Variants in MSI2 observed in about 807,000 individuals in gnomAD.
MSI2 encodes the protein musashi RNA binding protein 2.
MSI2 carries 17 observed loss-of-function variants against 45.6 expected under a neutral mutation model. The observed-to-expected ratio is 0.37, with a 90% CI of 0.26 to 0.56. The LOEUF (loss-of-function observed/expected upper bound fraction) is 0.56. Ranked by LOEUF, MSI2 falls within the 20% of genes least tolerant of loss-of-function variation. The pLI, the probability that MSI2 is intolerant of heterozygous loss-of-function variation, is 0.77. For synonymous variants in MSI2, 156 were observed against 158.2 expected (o/e 0.99, Z 0.11); for missense variants, 293 against 444.2 (o/e 0.66, Z 3.06).
At chr17:57,655,959 C>T (rs932649752) in intron 11 of MSI2, among the ~76,000 whole-genome samples, 4 of 152,158 alleles carry the variant, frequency 2.6e-5, no homozygotes, top group South Asian at 2.1e-4. Flanking sequence ...TCACACCTCC[C>T]CTGCCTGTTC....
chr17:57,678,176 G>C (rs1027958820), intron 13 of MSI2, among the ~76,000 whole-genome samples: 2 of 152,204 alleles, frequency 1.3e-5, no homozygotes, highest in African/African-American at 4.8e-5. Flanking sequence ...ACCAGGTGGA[G>C]AACTGGGTTG....
intron 10 of MSI2, among the ~76,000 whole-genome samples, chr17:57,645,198 G>A (rs1018600103): frequency 3.9e-5 from 6 of 152,168 alleles, no homozygotes; most frequent in Admixed American, 1.3e-4. Context: ...CTGTGGGCAG[G>A]GTTGGGGCCA....
the MSI2 span, among the ~76,000 whole-genome samples, chr17:57,698,920 T>C: frequency 6.7e-6 from 1 of 148,828 alleles, no homozygotes; most frequent in Non-Finnish European, 1.5e-5. Context: ...TGTGTGTGTG[T>C]GTGTGTGTGT....
intron 6 of MSI2, among the ~76,000 whole-genome samples, chr17:57,438,192 C>A (rs925384565): frequency 1.3e-5 from 2 of 152,034 alleles, no homozygotes; most frequent in Non-Finnish European, 2.9e-5. Context: ...GGGGACGTGC[C>A]CAGAGGAGTA....
chr17:57,612,493 C>T (rs1041649627), intron 8 of MSI2, among the ~76,000 whole-genome samples: 2 of 29,442 alleles, frequency 6.8e-5, no homozygotes, highest in East Asian at 6.4e-4. Flanking sequence ...CTTCCCCTGT[C>T]ATTCAGATGC....
chr17:57,627,481 G>A lies in MSI2; in HGVS notation c.727+178G>A, dbSNP rs1908917245. The A allele has an allele frequency of 1.6e-6, 1 of 635,416 alleles. No homozygotes were observed. 39.4% of individuals were successfully genotyped at this position (635,416 alleles called of 1,614,324 possible). A position where few individuals can be genotyped will look rare whatever the true frequency, so the allele number is the denominator to read the frequency against. On this transcript the variant is annotated intron_variant, in intron 10 of 13. Coordinates refer to ENST00000284073, the MANE Select transcript of MSI2 (RefSeq NM_138962.4). This position sits in a 1 kb window ranked among gnomAD's most constrained non-coding sequence, Gnocchi z 4.6. ...GGCCAGGATGCAGCTCAGAGTTTTT[G>A]ATTAACTCAGGTATAACTCACTGGT...
At chr17:57,557,190 C>T (rs187604079) in intron 7 of MSI2, among the ~76,000 whole-genome samples, 40 of 152,316 alleles carry the variant, frequency 2.6e-4, no homozygotes, top group Admixed American at 2.0e-3. Context: ...GAAACGTTAA[C>T]GATGAGGGGC....
At chr17:57,535,827 C>T (rs1441174546) in intron 7 of MSI2, among the ~76,000 whole-genome samples, 2 of 152,144 alleles carry the variant, frequency 1.3e-5, no homozygotes, top group Non-Finnish European at 2.9e-5. Context: ...GTCTCTGTCC[C>T]GAAAAGCAGC....
At chr17:57,471,075 C>A (rs535051741) in intron 6 of MSI2, among the ~76,000 whole-genome samples, 3 of 152,230 alleles carry the variant, frequency 2.0e-5, no homozygotes, top group East Asian at 1.9e-4. Flanking sequence ...AGGTTGGGGA[C>A]CCCATGTGGC....
At chr17:57,613,097 C>G (rs55971053) in intron 8 of MSI2, among the ~76,000 whole-genome samples, 11,208 of 152,240 alleles carry the variant, frequency 0.074, 722 homozygotes, top group African/African-American at 0.18. Context: ...TGACAATATT[C>G]TAATAGCCCT....
chr17:57,599,177 A>T (rs1019201355), intron 8 of MSI2, among the ~76,000 whole-genome samples: 22 of 152,222 alleles, frequency 1.4e-4, no homozygotes, highest in Non-Finnish European at 3.1e-4. Context: ...GACCGGAAGG[A>T]CATTGCTCCA....
chr17:57,368,433 G>A (rs1286499347), intron 5 of MSI2, among the ~76,000 whole-genome samples: 4 of 152,196 alleles, frequency 2.6e-5, no homozygotes, highest in Non-Finnish European at 4.4e-5. Flanking sequence ...GTGGGCGCCT[G>A]TAATCCCAGC....
chr17:57,506,875 A>G lies in MSI2; in HGVS notation c.406-22801A>G, dbSNP rs558249830. ...TCATGAAGACAGATTTCTGACAGCT[A>G]GGAAATGCCTGGAAATGGTGTGTAT... On this transcript the variant is annotated intron_variant, in intron 6 of 13. Coordinates refer to ENST00000284073, the MANE Select transcript of MSI2 (RefSeq NM_138962.4). Among the ~76,000 whole-genome samples the G allele has an allele frequency of 2.4e-4, 36 of 152,256 alleles. No homozygotes were observed. The South Asian group carries it at 7.3e-3, about 31-fold the overall frequency.
chr17:57,307,445 G>C (rs1598099446), intron 5 of MSI2, among the ~76,000 whole-genome samples: 1 of 144,582 alleles, frequency 6.9e-6, no homozygotes, highest in African/African-American at 2.6e-5. Context: ...TTCTCTTTGA[G>C]ATGGAGTCTC....
chr17:57,438,286 G>A (rs1015089138), intron 6 of MSI2, among the ~76,000 whole-genome samples: 1 of 152,126 alleles, frequency 6.6e-6, no homozygotes, highest in East Asian at 1.9e-4. Flanking sequence ...GTCAGGCCCC[G>A]AGGAATAGCC....
At chr17:57,663,950 C>T (rs185144935) in intron 11 of MSI2, among the ~76,000 whole-genome samples, 5 of 152,098 alleles carry the variant, frequency 3.3e-5, no homozygotes, top group African/African-American at 7.2e-5. Flanking sequence ...ATTCCTTCTC[C>T]CTCCTAGGGG....
At position 57,529,382 on chromosome 17, in the gene MSI2, G is replaced by A. The variant is rs1448361640; in HGVS notation, c.406-294G>A. Among the ~76,000 whole-genome samples the A allele has an allele frequency of 6.6e-6, 1 of 152,192 alleles. No individual in the cohort carries two copies. The highest frequency in any genetic ancestry group is 1.5e-5 in the Non-Finnish European group (1 of 68,034). ...GCTCAGGAGGTCGAGACTGCAGTGA[G>A]CCGTGATGGTGCCACTGCACTCTAG... On this transcript the variant is annotated intron_variant, in intron 6 of 13. Transcript: ENST00000284073. This position sits in a 1 kb window ranked among gnomAD's most constrained non-coding sequence, Gnocchi z 5.3.
At chr17:57,631,353 A>G (rs1386112087) in intron 10 of MSI2, 4 of 158,686 alleles carry the variant, frequency 2.5e-5, no homozygotes, top group Admixed American at 1.9e-4. Flanking sequence ...TTCCACCTGG[A>G]CTTACCCTTT....
chr17:57,458,204 C>G (rs1343915792), intron 6 of MSI2, among the ~76,000 whole-genome samples: 2 of 151,664 alleles, frequency 1.3e-5, no homozygotes, highest in Non-Finnish European at 1.5e-5. Flanking sequence ...GGGATCACGC[C>G]ATTCTCTTGC....
Sources: allele counts gnomAD v4.1 joint callset (sites outside exome capture counted in the v4.1 genomes callset), GRCh38; gene constraint gnomAD v4.1.1; non-coding constraint Gnocchi (gnomAD v3.1); transcripts MANE v1.5; gene names NCBI Gene and HGNC (gene_info 2026-07-23, HGNC 2026-07-21).